Variants in TMEM98 observed in about 807,000 individuals in gnomAD.
TMEM98 encodes transmembrane protein 98.
Under a neutral mutation model 25.0 loss-of-function variants are expected in TMEM98, and 18 were observed. That is an observed-to-expected ratio of 0.72 (90% confidence interval 0.50 to 1.07). The LOEUF is 1.07. Ranked by LOEUF, TMEM98 falls within the 50% of genes least tolerant of loss-of-function variation. TMEM98 has a pLI of 0.00. For missense variants in TMEM98, 241 were observed against 289.0 expected (o/e 0.83, Z 1.20); for synonymous variants, 103 against 112.4 (o/e 0.92, Z 0.53).
intron 1 of TMEM98, among the ~76,000 whole-genome samples, chr17:32,930,377 TAAA>T (rs1567696069): frequency 1.0e-5 from 1 of 100,496 alleles, no homozygotes; most frequent in Non-Finnish European, 2.0e-5. Context: ...GTGTTCATAC[TAAA>T]AAAATTCTGT....
intron 5 of TMEM98, among the ~76,000 whole-genome samples, 193 bp downstream of exon 5, chr17:32,934,517 T>A (rs1396862357): frequency 6.6e-6 from 1 of 152,166 alleles, no homozygotes; most frequent in East Asian, 1.9e-4. Flanking sequence ...TCAAGGCTGT[T>A]TCAAAGGCTT....
chr17:32,935,999 G>A (rs1191306608), intron 5 of TMEM98, among the ~76,000 whole-genome samples: 5 of 152,100 alleles, frequency 3.3e-5, no homozygotes, highest in African/African-American at 1.2e-4. Context: ...TGAGATGAAG[G>A]AATAGAAAAA....
At chr17:32,930,610 A>G (rs1342773135) in intron 1 of TMEM98, among the ~76,000 whole-genome samples, 1 of 152,236 alleles carries the variant, frequency 6.6e-6, no homozygotes, top group African/African-American at 2.4e-5. Context: ...TTAGAAAGGA[A>G]AAGTAGAGTG....
At chr17:32,929,952 G>T (rs1050182067) in intron 1 of TMEM98, among the ~76,000 whole-genome samples, 7 of 152,142 alleles carry the variant, frequency 4.6e-5, no homozygotes, top group Admixed American at 2.0e-4. Flanking sequence ...AACTCCTTAA[G>T]ATCAGGGTCT....
At position 32,934,293 on chromosome 17, in the gene TMEM98, G is replaced by A. The variant is rs1274177581; in HGVS notation, c.266G>A (p.Gly89Asp). Residue 89 changes from glycine to aspartate, a missense_variant and splice_region_variant, in exon 5 of 8, where the codon GGT becomes GAT. Gly to Asp is a moderately conservative substitution (Grantham distance 94, BLOSUM62 -1). Coordinates refer to ENST00000579849, the MANE Select transcript of TMEM98 (RefSeq NM_015544.3). ...ATGACTTCTTCTTGTTTCCCCAGGG[G>A]TCTCATGTCCCACTGCATTGCCATC... ...ENEDWIEDAS[G>D]LMSHCIAILK... 6.2e-7 allele frequency: 1 copy of A among 1,614,090 alleles called. No homozygotes were observed. The highest frequency in any genetic ancestry group is 1.1e-5 in the South Asian group (1 of 91,046).
intron 2 of TMEM98, 29 bp downstream of exon 2, chr17:32,931,431 G>A (rs1163638547): frequency 4.0e-6 from 6 of 1,489,124 alleles, no homozygotes; most frequent in African/African-American, 1.4e-5. Flanking sequence ...ACTCTCTTTC[G>A]TGGCTTCTTG....
chr17:32,936,615 C>T (rs2091498042), intron 6 of TMEM98, 168 bp downstream of exon 6: 1 of 629,842 alleles, frequency 1.6e-6, no homozygotes, highest in Non-Finnish European at 2.7e-6. Context: ...GATACCGAGA[C>T]TTCTCAGCTA....
chr17:32,930,644 A>G (rs2091463371), intron 1 of TMEM98, among the ~76,000 whole-genome samples: 1 of 152,192 alleles, frequency 6.6e-6, no homozygotes, highest in Non-Finnish European at 1.5e-5. Context: ...GTGTAAGTGG[A>G]TGGCTTTCCA....
intron 1 of TMEM98, among the ~76,000 whole-genome samples, chr17:32,928,944 A>T (rs1340886259): frequency 7.9e-6 from 1 of 126,422 alleles, no homozygotes; most frequent in East Asian, 2.4e-4. Flanking sequence ...AAGCACACTC[A>T]AACATTCAGT....
intron 1 of TMEM98, 64 bp downstream of exon 1, chr17:32,928,301 G>A (rs1268295766): frequency 6.6e-6 from 1 of 150,376 alleles, no homozygotes; most frequent in African/African-American, 2.4e-5. Flanking sequence ...CGGGGGCGCG[G>A]GGCCTGGCCC....
intron 1 of TMEM98, among the ~76,000 whole-genome samples, chr17:32,928,559 G>A (rs1247026018): frequency 6.6e-6 from 1 of 151,792 alleles, no homozygotes; most frequent in Admixed American, 6.6e-5. Context: ...GAGGGGAAGG[G>A]GGAAAGTAAG....
intron 4 of TMEM98, 28 bp from the exon 5 acceptor site, chr17:32,934,263 C>G: frequency 6.2e-7 from 1 of 1,613,932 alleles, no homozygotes; most frequent in Non-Finnish European, 8.5e-7. Flanking sequence ...TCCAGATGAG[C>G]ACTGATGACT....
At chr17:32,940,115 C>T (rs1172715372) in intron 7 of TMEM98, among the ~76,000 whole-genome samples, 1 of 152,222 alleles carries the variant, frequency 6.6e-6, no homozygotes, top group African/African-American at 2.4e-5. Flanking sequence ...GCCAGATCGG[C>T]AGTGGGTCAC....
chr17:32,937,380 C>T (rs2091502494), intron 6 of TMEM98, among the ~76,000 whole-genome samples: 1 of 152,184 alleles, frequency 6.6e-6, no homozygotes. Flanking sequence ...AGGGAATACA[C>T]GACCTGGTCA....
chr17:32,933,086 C>T, intron 3 of TMEM98, 88 bp from the exon 4 acceptor site: 1 of 1,548,968 alleles, frequency 6.5e-7, no homozygotes, highest in East Asian at 2.3e-5. Context: ...TCCCTTACTT[C>T]TTTTATGGTG....
At chr17:32,940,644 A>G in intron 7 of TMEM98, 142 bp from the exon 8 acceptor site, 1 of 807,824 alleles carries the variant, frequency 1.2e-6, no homozygotes. Context: ...CATGGAGCCA[A>G]CTTTAAATTG....
intron 3 of TMEM98, among the ~76,000 whole-genome samples, chr17:32,932,635 A>G (rs2091475995): frequency 6.6e-6 from 1 of 151,978 alleles, no homozygotes; most frequent in Admixed American, 6.6e-5. Flanking sequence ...ATGGTATCTC[A>G]TTTTCTAAAG....
chr17:32,935,850 C>A (rs553367861), intron 5 of TMEM98, among the ~76,000 whole-genome samples: 1 of 152,254 alleles, frequency 6.6e-6, no homozygotes, highest in East Asian at 1.9e-4. Flanking sequence ...GATAAACATG[C>A]TAATATATTA....
Position 32,931,662 on chromosome 17 carries a change from G to A in TMEM98, c.131+3G>A. On this transcript the variant is annotated splice_donor_region_variant and intron_variant, in intron 3 of 7. Transcript: ENST00000579849. ...CTGCTGCAGCGCTATGATTCTAAGT[G>A]AGTGAGCCTATGGAGGGCAAGGAGG... is the stretch of plus-strand genomic sequence containing the variant. 2.5e-6 allele frequency: 4 copies of A among 1,605,266 alleles called. No individual in the cohort carries two copies. The South Asian group carries it at 4.5e-5, about 18-fold the overall frequency.
Sources: allele counts gnomAD v4.1 joint callset (sites outside exome capture counted in the v4.1 genomes callset), GRCh38; gene constraint gnomAD v4.1.1; transcripts MANE v1.5; gene names NCBI Gene and HGNC (gene_info 2026-07-23, HGNC 2026-07-21).